The following ATG5 variants were observed in gnomAD, a reference collection of about 807,000 sequenced individuals.
ATG5 encodes autophagy protein 5.
A neutral mutation model predicts 36.5 loss-of-function variants in ATG5; 14 were observed. The ratio of observed to expected loss-of-function variants is 0.38; its 90% CI spans 0.25 to 0.60. The LOEUF (loss-of-function observed/expected upper bound fraction) is 0.60. Among genes scored for constraint, ATG5 ranks in the 20% least tolerant of loss-of-function variants. The pLI, the probability that ATG5 is intolerant of heterozygous loss-of-function variation, is 0.60. For synonymous variants in ATG5, 95 were observed against 101.5 expected, an observed-to-expected ratio of 0.94 and a Z score of 0.38; for missense variants, 195 against 326.7, an observed-to-expected ratio of 0.60 and a Z score of 3.11.
chr6:106,216,346 T>A (rs1777037934), intron 6 of ATG5, among the ~76,000 whole-genome samples: 1 of 152,128 alleles, frequency 6.6e-6, no homozygotes, highest in African/African-American at 2.4e-5. Flanking sequence ...GTGGAGACAA[T>A]CCACATGTCT....
Position 106,316,256 on chromosome 6 carries a change from C to G in ATG5, c.-48G>C. ...CATACAGGCTAAATTCTTATTTCAACCAAAGCCAAACTGAAAATAAAATGA... is the reference window on the plus strand; with the variant it reads ...CATACAGGCTAAATTCTTATTTCAAGCAAAGCCAAACTGAAAATAAAATGA... On this transcript the variant is annotated 5_prime_UTR_variant, in exon 2 of 8. Transcript: ENST00000369076. 2 of 1,442,536 alleles carry G rather than the reference C, an allele frequency of 1.4e-6. No individual in the cohort carries two copies. The highest frequency in any genetic ancestry group is 1.9e-6 in the Non-Finnish European group (2 of 1,033,200). The allele number at this position is 1,442,536 out of a possible 1,614,324, so 89.4% of individuals were successfully genotyped here. A position where few individuals can be genotyped will look rare whatever the true frequency, so the allele number is the denominator to read the frequency against.
intron 7 of ATG5, among the ~76,000 whole-genome samples, chr6:106,197,437 T>C (rs571796764): frequency 8.5e-4 from 128 of 150,528 alleles, no homozygotes; most frequent in Non-Finnish European, 1.4e-3. Flanking sequence ...TCATTTGTTA[T>C]AGTGTGGTTG....
intron 2 of ATG5, 101 bp downstream of exon 2, chr6:106,316,000 T>C: frequency 1.1e-6 from 1 of 872,568 alleles, no homozygotes; most frequent in Non-Finnish European, 1.8e-6. Flanking sequence ...ATGAATTAGC[T>C]GTATCTAAAA....
At chr6:106,321,863 C>T (rs1007951904) in intron 1 of ATG5, among the ~76,000 whole-genome samples, 1 of 151,994 alleles carries the variant, frequency 6.6e-6, no homozygotes, top group East Asian at 1.9e-4. Flanking sequence ...TTCTTATCAC[C>T]AATATTAGTA....
chr6:106,271,455 T>C (rs1414175756), intron 5 of ATG5, among the ~76,000 whole-genome samples: 1 of 152,168 alleles, frequency 6.6e-6, no homozygotes, highest in African/African-American at 2.4e-5. Flanking sequence ...AAGATAGCTA[T>C]GAATCAGGAA....
At chr6:106,218,234 G>A (rs898033211) in intron 6 of ATG5, among the ~76,000 whole-genome samples, 25 of 152,028 alleles carry the variant, frequency 1.6e-4, no homozygotes, top group African/African-American at 5.8e-4. Flanking sequence ...TGATAAACAT[G>A]GCCTCATGAA....
chr6:106,244,533 G>T (rs1311724070), intron 6 of ATG5, among the ~76,000 whole-genome samples: 1 of 152,040 alleles, frequency 6.6e-6, no homozygotes, highest in African/African-American at 2.4e-5. Context: ...CAAATCTCTG[G>T]GAATGCAACA....
chr6:106,247,825 G>A (rs970306702), intron 6 of ATG5, among the ~76,000 whole-genome samples: 1 of 152,170 alleles, frequency 6.6e-6, no homozygotes, highest in South Asian at 2.1e-4. Context: ...ACCTCTGCTG[G>A]GAAATGAGCA....
intron 6 of ATG5, among the ~76,000 whole-genome samples, chr6:106,233,190 G>T (rs1777756959): frequency 6.6e-6 from 1 of 152,150 alleles, no homozygotes; most frequent in African/African-American, 2.4e-5. Flanking sequence ...AATACTTAGG[G>T]CTAAAATTAT....
chr6:106,267,645 T>C (rs964980387), intron 5 of ATG5, among the ~76,000 whole-genome samples: 8 of 152,110 alleles, frequency 5.3e-5, no homozygotes, highest in Admixed American at 1.3e-4. Flanking sequence ...AACAGATATA[T>C]AGACCAATGG....
At chr6:106,210,943 G>A (rs571483112) in intron 6 of ATG5, among the ~76,000 whole-genome samples, 35 of 152,074 alleles carry the variant, frequency 2.3e-4, no homozygotes, top group African/African-American at 8.2e-4. Context: ...ATTCTGTATT[G>A]AGCTGTCAAA....
intron 2 of ATG5, among the ~76,000 whole-genome samples, chr6:106,309,925 T>C (rs1770588464): frequency 6.6e-6 from 1 of 152,124 alleles, no homozygotes; most frequent in Non-Finnish European, 1.5e-5. Context: ...ATGGAGACAG[T>C]AGGAGGGAAG....
chr6:106,197,093 C>A (rs1776225639), intron 7 of ATG5, among the ~76,000 whole-genome samples: 1 of 152,176 alleles, frequency 6.6e-6, no homozygotes, highest in Non-Finnish European at 1.5e-5. Flanking sequence ...CATTACAGAA[C>A]ACATTACTTC....
intron 5 of ATG5, among the ~76,000 whole-genome samples, chr6:106,271,423 T>C (rs1779448101): frequency 6.6e-6 from 1 of 152,202 alleles, no homozygotes; most frequent in African/African-American, 2.4e-5. Context: ...AGCTCTGTTT[T>C]AGTCTGTGAG....
intron 6 of ATG5, among the ~76,000 whole-genome samples, chr6:106,231,319 AG>A (rs1264797468): frequency 6.6e-6 from 1 of 152,246 alleles, no homozygotes; most frequent in Non-Finnish European, 1.5e-5. Context: ...CCCAAATGAC[AG>A]AAGTGTCGCC....
chr6:106,309,772 G>A (rs888498398), intron 2 of ATG5, among the ~76,000 whole-genome samples: 5 of 152,060 alleles, frequency 3.3e-5, no homozygotes, highest in East Asian at 1.9e-4. Context: ...GCAAAACAGC[G>A]TCGCAAACTA....
intron 3 of ATG5, among the ~76,000 whole-genome samples, chr6:106,305,452 G>A (rs1298287650): frequency 1.3e-5 from 2 of 151,960 alleles, no homozygotes; most frequent in African/African-American, 4.8e-5. Context: ...TCTTGTCATT[G>A]AGAACTGTCA....
intron 1 of ATG5, among the ~76,000 whole-genome samples, chr6:106,322,772 C>T (rs977321304): frequency 6.6e-6 from 1 of 152,216 alleles, no homozygotes; most frequent in Admixed American, 6.5e-5. Context: ...TATACATTTA[C>T]ACTCCCACAG....
At chr6:106,186,928 A>G (rs1775793639) in intron 7 of ATG5, among the ~76,000 whole-genome samples, 1 of 152,222 alleles carries the variant, frequency 6.6e-6, no homozygotes, top group Non-Finnish European at 1.5e-5. Context: ...TTTCTTAATT[A>G]CTGTGCTTAC....
Sources: gnomAD v4.1 joint callset for allele counts (sites outside exome capture counted in the v4.1 genomes callset) on GRCh38, gnomAD v4.1.1 for gene constraint, MANE v1.5 for transcripts, NCBI Gene and HGNC (gene_info 2026-07-23, HGNC 2026-07-21) for gene names.